Variants in SIDT2 observed in about 807,000 individuals in gnomAD.
SIDT2 encodes the protein SID1 transmembrane family, member 2.
In SIDT2, 68 loss-of-function variants were observed where a neutral mutation model predicts 114.4. The ratio of observed to expected loss-of-function variants is 0.59; its 90% CI spans 0.49 to 0.73. SIDT2 has a LOEUF of 0.73. Among genes scored for constraint, SIDT2 ranks in the 30% least tolerant of loss-of-function variants. SIDT2 has a pLI of 0.00. For missense variants in SIDT2, 918 were observed against 1,097.1 expected (o/e 0.84, Z 2.31); for synonymous variants, 470 against 438.4 (o/e 1.07, Z -0.90).
intron 12 of SIDT2, 28 bp downstream of exon 12, chr11:117,187,727 T>G (rs570422290): frequency 2.5e-6 from 4 of 1,607,244 alleles, no homozygotes; most frequent in East Asian, 2.2e-5. Context: ...GGAGGGGCGG[T>G]GTGGTGCAGG....
At chr11:117,180,457 G>A (rs939487684) in intron 1 of SIDT2, among the ~76,000 whole-genome samples, 1 of 150,806 alleles carries the variant, frequency 6.6e-6, no homozygotes, top group African/African-American at 2.4e-5. Flanking sequence ...AGATCGATTT[G>A]GTTTTATTTT....
intron 8 of SIDT2, 151 bp from the exon 9 acceptor site, chr11:117,185,979 G>T (rs2030479625): frequency 1.6e-6 from 1 of 611,928 alleles, no homozygotes; most frequent in Admixed American, 2.9e-5. Context: ...GGAACTGCCA[G>T]TTGTTCATAC....
At chr11:117,186,353 TAG>T (rs1049773226) in intron 9 of SIDT2, 130 bp downstream of exon 9, 1 of 882,078 alleles carries the variant, frequency 1.1e-6, no homozygotes, top group African/African-American at 1.7e-5. Context: ...GTGGGGCTGT[TAG>T]AGTCTGTGGC....
Position 117,192,659 on chromosome 11 carries a change from C to T in SIDT2, c.2058+9C>T, listed in dbSNP as rs771828521. The stretch of plus-strand genomic sequence containing the variant: ...GCGGGCCGCTCTACGTGGTACCTGC[C>T]TGGTTCCCCTGCTCCATTCTCCACA... On this transcript the variant is annotated intron_variant, in intron 21 of 25. Coordinates refer to ENST00000324225, the MANE Select transcript of SIDT2 (RefSeq NM_001040455.2). This position sits in a 1 kb window ranked among gnomAD's most constrained non-coding sequence, Gnocchi z 5.9. 2 of 1,612,824 alleles carry T rather than the reference C, an allele frequency of 1.2e-6. No homozygotes were observed. Among genetic ancestry groups the T allele is most frequent in the Admixed American group, 3.3e-5 (2 of 60,030 alleles).
At position 117,192,735 on chromosome 11, in the gene SIDT2, G is replaced by C. The variant is rs903120560; in HGVS notation, c.2058+85G>C. ...AGTGGGGCTGGGCTGAGGACCCAGGGGAGAGTGGGGACCAGCTGGCTGGGC... is the reference window on the plus strand; with the variant it reads ...AGTGGGGCTGGGCTGAGGACCCAGGCGAGAGTGGGGACCAGCTGGCTGGGC... On this transcript the variant is annotated intron_variant, in intron 21 of 25. Coordinates refer to ENST00000324225, the MANE Select transcript of SIDT2 (RefSeq NM_001040455.2). The surrounding 1 kb of genome is among the most constrained non-coding windows in gnomAD (Gnocchi z 5.9). The C allele has an allele frequency of 1.9e-5, 31 of 1,611,014 alleles. No homozygotes were observed. Among genetic ancestry groups the C allele is most frequent in the Non-Finnish European group, 2.4e-5 (28 of 1,177,770 alleles).
At position 117,181,418 on chromosome 11, in the gene SIDT2, A is replaced by G. The variant is rs1410360469; in HGVS notation, c.186A>G (p.Thr62=). 1.2e-6 allele frequency: 2 copies of G among 1,613,374 alleles called. No individual in the cohort carries two copies. The highest frequency in any genetic ancestry group is 1.1e-5 in the South Asian group (1 of 91,058). ...TFNHTVTRNR[T]EGVRVSVNVL... ...GGCATTTCCATGTCGTTCTGCAGAC[A>G]GAGGGCGTGCGTGTGTCTGTGAACG... Residue 62 remains threonine (T), a splice_region_variant and synonymous_variant, in exon 2 of 26, where the codon ACA becomes ACG. Transcript: ENST00000324225.
At chr11:117,184,415 G>C (rs1349292912) in intron 8 of SIDT2, among the ~76,000 whole-genome samples, 1 of 152,330 alleles carries the variant, frequency 6.6e-6, no homozygotes, top group East Asian at 1.9e-4. Context: ...TTGTAAGAAA[G>C]AGCTTTAATT....
rs73008573 is a variant in SIDT2, at chr11:117,196,613, A to T, written c.*547A>T. 3 of 164,498 alleles carry T rather than the reference A, an allele frequency of 1.8e-5. No individual in the cohort carries two copies. The highest frequency in any genetic ancestry group is 1.7e-4 in the Admixed American group (3 of 17,760). The allele number at this position is 164,498 out of a possible 1,614,324, so 10.2% of individuals were successfully genotyped here. On this transcript the variant is annotated 3_prime_UTR_variant, in exon 26 of 26. Transcript: ENST00000324225. This position sits in a 1 kb window ranked among gnomAD's most constrained non-coding sequence, Gnocchi z 4.9. ...CAGCCAGGATGGATGGGGGTATGAGATTTTGGGGGTTGGCCAGCTGGTGCC... is the reference window on the plus strand; with the variant it reads ...CAGCCAGGATGGATGGGGGTATGAGTTTTTGGGGGTTGGCCAGCTGGTGCC...
At chr11:117,179,713 C>T (rs1033329084) in intron 1 of SIDT2, 2 of 431,590 alleles carry the variant, frequency 4.6e-6, no homozygotes, top group Non-Finnish European at 8.3e-6. Context: ...GTGGTCTGAG[C>T]ACACATGGCT....
rs1442682255 is a variant in SIDT2, at chr11:117,192,404, G to A, written c.1981+42G>A. On this transcript the variant is annotated intron_variant, in intron 20 of 25. Coordinates refer to ENST00000324225, the MANE Select transcript of SIDT2 (RefSeq NM_001040455.2). This position sits in a 1 kb window ranked among gnomAD's most constrained non-coding sequence, Gnocchi z 5.9. ...GGCAGGGCCTGGGGGAGGGGTCTGG[G>A]GGGCCTTGGGAACCCGGACGCACGG... 1.4e-6 allele frequency: 2 copies of A among 1,444,234 alleles called. No individual in the cohort carries two copies. The highest frequency in any genetic ancestry group is 2.3e-5 in the East Asian group (1 of 44,086). The allele number at this position is 1,444,234 out of a possible 1,614,324, so 89.5% of individuals were successfully genotyped here.
In SIDT2 at chr11:117,186,236, T is replaced by G. The variant is rs779691338; in HGVS notation, c.962+13T>G. 7 of 1,612,446 alleles carry G rather than the reference T, an allele frequency of 4.3e-6. No individual in the cohort carries two copies. In the South Asian group the frequency reaches 6.6e-5, roughly 15 times the overall value. On this transcript the variant is annotated intron_variant, in intron 9 of 25. Coordinates refer to ENST00000324225, the MANE Select transcript of SIDT2 (RefSeq NM_001040455.2). ...GGGAGAACTGGAGGTAAAGTGGAAC[T>G]GCTGGGCCTCCCCTGGTCTGGGTGG...
intron 1 of SIDT2, 102 bp downstream of exon 1, chr11:117,179,548 CT>C: frequency 7.8e-7 from 1 of 1,285,412 alleles, no homozygotes; most frequent in East Asian, 2.4e-5. Flanking sequence ...CAGGAACGAG[CT>C]GTCCTGCTAG....
At chr11:117,189,289 C>A (rs372918453) in intron 14 of SIDT2, 46 bp from the exon 15 acceptor site, 3 of 1,613,854 alleles carry the variant, frequency 1.9e-6, no homozygotes, top group African/African-American at 2.7e-5. Flanking sequence ...GGGTGTGTGG[C>A]AGCCTTGGGT....
Position 117,181,525 on chromosome 11 carries a change from T to G in SIDT2, c.293T>G (p.Ile98Ser). ...EAVVSFQVPLILRGMFQRKYL... is the reference protein window; with the variant it reads ...EAVVSFQVPLSLRGMFQRKYL... ...GTGGTGTCCTTCCAGGTGCCCCTAA[T>G]CCTGCGAGGGATGTGAGTAGGATCT... Residue 98 changes from isoleucine (I) to serine (S), a missense_variant, in exon 2 of 26, where the codon ATC becomes AGC. Transcript: ENST00000324225. The G allele has an allele frequency of 1.2e-6, 2 of 1,613,912 alleles. No individual in the cohort carries two copies. Among genetic ancestry groups the G allele is most frequent in the Non-Finnish European group, 1.7e-6 (2 of 1,179,964 alleles).
Position 117,193,251 on chromosome 11 carries a change from T to C in SIDT2, c.2204T>C (p.Ile735Thr). 6.2e-7 allele frequency: 1 copy of C among 1,613,452 alleles called. No individual in the cohort carries two copies. The highest frequency in any genetic ancestry group is 8.5e-7 in the Non-Finnish European group (1 of 1,179,556). ...CTCCTTTACTTCGCCTTCTACATCA[T>C]CATGAAGGTGAGTGGGGCTGGCCAA... is the stretch of plus-strand genomic sequence containing the variant. ...NLLLYFAFYI[I>T]MKLRSGERIK... The change falls in exon 23 of 26, where the codon ATC (isoleucine) becomes ACC (threonine). Residue 735 changes from isoleucine (I) to threonine (T), a missense_variant. Physicochemically the swap from Ile to Thr is moderately conservative, Grantham distance 89. Around this residue, in one of 4 missense-constraint regions of SIDT2, gnomAD observed 275 missense variants for 397.6 expected, o/e 0.69. Coordinates refer to ENST00000324225, the MANE Select transcript of SIDT2 (RefSeq NM_001040455.2).
At position 117,195,830 on chromosome 11, in the gene SIDT2, A is replaced by G; in HGVS notation, c.2351A>G (p.Asn784Ser). 1.9e-6 allele frequency: 3 copies of G among 1,614,160 alleles called. No homozygotes were observed. The highest frequency in any genetic ancestry group is 2.5e-6 in the Non-Finnish European group (3 of 1,180,014). ...ACCCCTGCAGAGTCGAGGGAGCACAACCGGGACTGCATCCTCCTCGACTTC... is the reference window on the plus strand; with the variant it reads ...ACCCCTGCAGAGTCGAGGGAGCACAGCCGGGACTGCATCCTCCTCGACTTC... ...QKTPAESREH[N>S]RDCILLDFFD... Residue 784 changes from asparagine (N) to serine (S), a missense_variant, in exon 25 of 26, where the codon AAC (asparagine) becomes AGC (serine). Asn to Ser is a conservative substitution (Grantham distance 46). Around this residue, in one of 4 missense-constraint regions of SIDT2, gnomAD observed 275 missense variants for 397.6 expected, o/e 0.69. Transcript: ENST00000324225.
rs2030676384 is a variant in SIDT2, at chr11:117,190,906, C to G, written c.1735+166C>G. The G allele has an allele frequency of 1.7e-6, 1 of 591,262 alleles. No individual in the cohort carries two copies. The highest frequency in any genetic ancestry group is 2.9e-5 in the Admixed American group (1 of 33,958). 36.6% of individuals were successfully genotyped at this position (591,262 alleles called of 1,614,324 possible). On this transcript the variant is annotated intron_variant, in intron 18 of 25. Transcript: ENST00000324225. The surrounding 1 kb of genome is among the most constrained non-coding windows in gnomAD (Gnocchi z 4.1). ...ATCCTAGCCTATGGAACATGGGCAC[C>G]TAGATGCTGCTTCATTCATCTGTCA... is the stretch of plus-strand genomic sequence containing the variant.
intron 1 of SIDT2, among the ~76,000 whole-genome samples, chr11:117,180,489 A>T (rs1329467871): frequency 7.0e-6 from 1 of 141,946 alleles, no homozygotes; most frequent in African/African-American, 2.6e-5. Context: ...CCCATTGTTT[A>T]TATATGTTCC....
In SIDT2 at chr11:117,192,827, T is replaced by A. The variant is rs145101833; in HGVS notation, c.2066T>A (p.Met689Lys). The change falls in exon 22 of 26, where the codon ATG becomes AAG. Residue 689 changes from methionine to lysine, a missense_variant. Transcript: ENST00000324225. The surrounding 1 kb of genome is among the most constrained non-coding windows in gnomAD (Gnocchi z 5.9). ...GTCCCTGCTTCCCTCCAGGACCGCA[T>A]GGTGCTGCTGGTCATGGGCAACGTC... is the stretch of plus-strand genomic sequence containing the variant. ...QCSGPLYVDR[M>K]VLLVMGNVIN... 1.9e-6 allele frequency: 3 copies of A among 1,614,030 alleles called. No homozygotes were observed. Among genetic ancestry groups the A allele is most frequent in the Non-Finnish European group, 2.5e-6 (3 of 1,180,026 alleles).
Sources: gnomAD v4.1 joint callset for allele counts (sites outside exome capture counted in the v4.1 genomes callset) on GRCh38, gnomAD v4.1.1 for gene constraint, gnomAD v4.1.1 regional missense constraint, Gnocchi (gnomAD v3.1) non-coding constraint, MANE v1.5 for transcripts, NCBI Gene and HGNC (gene_info 2026-07-23, HGNC 2026-07-21) for gene names.